TLL2: variants seen among roughly 807,000 people sequenced by gnomAD.
TLL2 encodes tolloid like 2.
Under a neutral mutation model 123.0 loss-of-function variants are expected in TLL2, and 106 were observed. The ratio of observed to expected loss-of-function variants is 0.86; its 90% CI spans 0.74 to 1.01. TLL2 has a LOEUF of 1.01. TLL2 is among the 50% of genes least tolerant of loss of function. The pLI, the probability that TLL2 is intolerant of heterozygous loss-of-function variation, is 0.00. For synonymous variants in TLL2, 494 were observed against 516.8 expected, an observed-to-expected ratio of 0.96 and a Z score of 0.60; for missense variants, 1,332 against 1,336.7, an observed-to-expected ratio of 1.00 and a Z score of 0.06.
intron 2 of TLL2, among the ~76,000 whole-genome samples, chr10:96,462,286 C>T (rs1175742179): frequency 6.6e-6 from 1 of 152,176 alleles, no homozygotes; most frequent in Non-Finnish European, 1.5e-5. Context: ...AGTGTTCTAA[C>T]AGGAGCAGAG....
At chr10:96,457,325 C>T (rs1847027037) in intron 2 of TLL2, among the ~76,000 whole-genome samples, 1 of 152,216 alleles carries the variant, frequency 6.6e-6, no homozygotes, top group African/African-American at 2.4e-5. Flanking sequence ...CTATATAGGA[C>T]TGCCCGGAAC....
chr10:96,413,406 A>T, intron 7 of TLL2, 90 bp from the exon 8 acceptor site: 1 of 1,488,042 alleles, frequency 6.7e-7, no homozygotes, highest in South Asian at 1.3e-5. Context: ...CTTGCCCATA[A>T]CCCCATCAAC....
At chr10:96,476,028 C>T (rs1847240851) in intron 2 of TLL2, among the ~76,000 whole-genome samples, 1 of 151,544 alleles carries the variant, frequency 6.6e-6, no homozygotes, top group South Asian at 2.1e-4. Flanking sequence ...AACAGTGAGT[C>T]CAATTAACCC....
At chr10:96,441,409 C>T (rs1304745057) in intron 3 of TLL2, among the ~76,000 whole-genome samples, 2 of 152,228 alleles carry the variant, frequency 1.3e-5, no homozygotes, top group Non-Finnish European at 2.9e-5. Context: ...TTAGATTCAA[C>T]TGGGGAGCTT....
chr10:96,378,658 G>A (rs567299609), intron 17 of TLL2, among the ~76,000 whole-genome samples: 1 of 152,324 alleles, frequency 6.6e-6, no homozygotes, highest in African/African-American at 2.4e-5. Flanking sequence ...AGGTTAAATA[G>A]CTTGCCCAAG....
chr10:96,379,917 TG>T (rs1434088209), intron 16 of TLL2, among the ~76,000 whole-genome samples: 7 of 152,246 alleles, frequency 4.6e-5, no homozygotes, highest in African/African-American at 1.7e-4. Context: ...CTCTGTGGCC[TG>T]GGCTCAAGTG....
intron 7 of TLL2, among the ~76,000 whole-genome samples, chr10:96,417,246 G>A (rs140736082): frequency 5.3e-5 from 8 of 152,256 alleles, no homozygotes; most frequent in Non-Finnish European, 8.8e-5. Flanking sequence ...GTTGGGAGCG[G>A]GGAAACTATT....
chr10:96,396,845 C>G (rs1029275293), intron 11 of TLL2, among the ~76,000 whole-genome samples: 1 of 152,192 alleles, frequency 6.6e-6, no homozygotes, highest in African/African-American at 2.4e-5. Flanking sequence ...TTTGCTTAGG[C>G]TCACACAGCA....
chr10:96,379,224 C>T, intron 16 of TLL2, 132 bp from the exon 17 acceptor site: 1 of 1,168,750 alleles, frequency 8.6e-7, no homozygotes, highest in Non-Finnish European at 1.2e-6. Flanking sequence ...TCTGATTGTT[C>T]CCTCACTGGA....
At position 96,368,276 on chromosome 10, in the gene TLL2, A is replaced by C. The variant is rs971828301; in HGVS notation, c.2914-54T>G. 9 of 1,598,958 alleles carry C rather than the reference A, an allele frequency of 5.6e-6. No homozygotes were observed. The African/African-American group carries it at 1.2e-4, about 21-fold the overall frequency. ...GGACTTTAGCTGTGATTGGAGTTGA[A>C]AATGAGGAGGATGGGACAGGATCTT... On this transcript the variant is annotated intron_variant, in intron 20 of 20. Coordinates refer to ENST00000357947, the MANE Select transcript of TLL2 (RefSeq NM_012465.4).
At chr10:96,398,158 C>T (rs1249772189) in intron 10 of TLL2, among the ~76,000 whole-genome samples, 1 of 152,090 alleles carries the variant, frequency 6.6e-6, no homozygotes, top group Admixed American at 6.5e-5. Context: ...TGATTCCAGG[C>T]CCAAGAGGGG....
At chr10:96,404,791 T>C (rs149416754) in intron 10 of TLL2, among the ~76,000 whole-genome samples, 68 of 152,350 alleles carry the variant, frequency 4.5e-4, no homozygotes, top group African/African-American at 1.4e-3. Flanking sequence ...TCTATTTTTG[T>C]CACATACTTT....
Position 96,423,418 on chromosome 10 carries a change from C to A in TLL2, c.639-691G>T, listed in dbSNP as rs745720633. Among the ~76,000 whole-genome samples the A allele has an allele frequency of 4.7e-4, 72 of 152,148 alleles. 2 individuals carry two copies. The highest frequency in any genetic ancestry group is 1.2e-3 in the Admixed American group (19 of 15,276). ...AGGAGGCAGATGAGTGTCTATAATG[C>A]ATGCAACTTGGTGTCATTATCAGAG... is the stretch of plus-strand genomic sequence containing the variant. On this transcript the variant is annotated intron_variant, in intron 5 of 20. Transcript: ENST00000357947.
chr10:96,436,887 T>C (rs1483354637), intron 3 of TLL2, among the ~76,000 whole-genome samples: 1 of 152,152 alleles, frequency 6.6e-6, no homozygotes, highest in African/African-American at 2.4e-5. Flanking sequence ...GGTTTCATCA[T>C]GTTGCCCAGA....
At chr10:96,499,180 T>C (rs1447609791) in intron 1 of TLL2, among the ~76,000 whole-genome samples, 1 of 152,238 alleles carries the variant, frequency 6.6e-6, no homozygotes. Context: ...TGGGAAGGGC[T>C]GCCAGCAGTG....
intron 2 of TLL2, among the ~76,000 whole-genome samples, chr10:96,467,525 G>C (rs1008525755): frequency 6.6e-6 from 1 of 152,114 alleles, no homozygotes; most frequent in South Asian, 2.1e-4. Flanking sequence ...GAGCCACCAT[G>C]CCTGGCCATA....
intron 4 of TLL2, among the ~76,000 whole-genome samples, chr10:96,431,586 G>A (rs1471078032): frequency 6.6e-6 from 1 of 152,124 alleles, no homozygotes; most frequent in Admixed American, 6.5e-5. Flanking sequence ...GTACGCAGTG[G>A]GCATATTTGC....
chr10:96,428,870 T>C (rs1846707098), intron 4 of TLL2, 122 bp from the exon 5 acceptor site: 2 of 619,666 alleles, frequency 3.2e-6, no homozygotes, highest in Non-Finnish European at 5.5e-6. Context: ...AATAGTGCGA[T>C]CTCGGCTCAC....
Position 96,422,612 on chromosome 10 carries a change from GCCAAAA to G in TLL2, c.748_753del (p.Phe250_Trp251del), listed in dbSNP as rs1846635820. On this transcript the variant is annotated inframe_deletion, in exon 6 of 21. Transcript: ENST00000357947. ...TCTCTGTCTGGCCGGGTGTGTTCAT[GCCAAAA>G]CCCAACCACATGGCCCAGCTCGTGA... The G allele has an allele frequency of 6.2e-7, 1 of 1,614,030 alleles. No individual in the cohort carries two copies. Among genetic ancestry groups the G allele is most frequent in the Non-Finnish European group, 8.5e-7 (1 of 1,180,036 alleles).
Sources: allele counts gnomAD v4.1 joint callset (sites outside exome capture counted in the v4.1 genomes callset), GRCh38; gene constraint gnomAD v4.1.1; transcripts MANE v1.5; gene names NCBI Gene and HGNC (gene_info 2026-07-23, HGNC 2026-07-21).